Variants in UNC13C observed in about 807,000 individuals in gnomAD.
The protein encoded by UNC13C is unc-13 homolog C, also known as protein unc-13 homolog C.
A neutral mutation model predicts 245.4 loss-of-function variants in UNC13C; 174 were observed. The observed-to-expected ratio is 0.71, with a 90% confidence interval of 0.63 to 0.80. UNC13C has a LOEUF of 0.80. Ranked by LOEUF, UNC13C falls within the 30% of genes least tolerant of loss-of-function variation. UNC13C has a pLI of 0.00. For synonymous variants in UNC13C, 992 were observed against 895.1 expected (o/e 1.11, Z -1.93); for missense variants, 2,829 against 2,602.9 (o/e 1.09, Z -1.89).
At position 54,015,322 on chromosome 15, in the gene UNC13C, G is replaced by A; in HGVS notation, c.2419G>A (p.Ala807Thr). 1.9e-6 allele frequency: 3 copies of A among 1,613,846 alleles called. No homozygotes were observed. The highest frequency in any genetic ancestry group is 1.7e-6 in the Non-Finnish European group (2 of 1,179,852). Residue 807 changes from alanine (A) to threonine (T), a missense_variant, in exon 2 of 33, where the codon GCC (alanine) becomes ACC (threonine). Coordinates refer to ENST00000260323, the MANE Select transcript of UNC13C (RefSeq NM_001080534.3). ...ATCTACACTGCAGAGGGCTAAATCAGCCTTGGAAGTAGTATGGAACAAAAG... is the reference window on the plus strand; with the variant it reads ...ATCTACACTGCAGAGGGCTAAATCAACCTTGGAAGTAGTATGGAACAAAAG... Reference protein sequence around the residue: ...FGSTLQRAKSALEVVWNKSTQ... With the variant: ...FGSTLQRAKSTLEVVWNKSTQ...
chr15:54,252,475 AT>A (rs1449836587), intron 8 of UNC13C, among the ~76,000 whole-genome samples: 27 of 152,170 alleles, frequency 1.8e-4, no homozygotes, highest in African/African-American at 6.0e-4. Context: ...GAGGGTTTTT[AT>A]AAATCCATTT....
intron 4 of UNC13C, among the ~76,000 whole-genome samples, chr15:54,170,030 C>T (rs2033334500): frequency 1.4e-5 from 2 of 145,864 alleles, no homozygotes; most frequent in East Asian, 2.0e-4. Context: ...TATTCTTAAA[C>T]CTATCATGTA....
At chr15:54,453,686 C>T (rs1026674793) in intron 19 of UNC13C, among the ~76,000 whole-genome samples, 1 of 152,242 alleles carries the variant, frequency 6.6e-6, no homozygotes, top group South Asian at 2.1e-4. Context: ...AATATATTGA[C>T]AAATTTTTTT....
At chr15:53,961,025 C>T in the UNC13C span, among the ~76,000 whole-genome samples, 1 of 152,170 alleles carries the variant, frequency 6.6e-6, no homozygotes, top group Non-Finnish European at 1.5e-5. Flanking sequence ...TATTCCTGCA[C>T]CTAAAATGGA....
chr15:53,917,391 C>T, the UNC13C span, among the ~76,000 whole-genome samples: 102 of 151,886 alleles, frequency 6.7e-4, no homozygotes, highest in South Asian at 2.7e-3. Context: ...ACTAGGCTCC[C>T]GAAAAAAAGA....
chr15:54,208,253 C>A (rs967695783), intron 4 of UNC13C, among the ~76,000 whole-genome samples: 1 of 152,044 alleles, frequency 6.6e-6, no homozygotes, highest in Non-Finnish European at 1.5e-5. Flanking sequence ...TGAGGGATGA[C>A]CCCCGCCCTG....
chr15:54,455,164 C>CCTCTCTCTCTCTCTCTCT (rs1203605020), intron 19 of UNC13C, among the ~76,000 whole-genome samples: 1 of 17,518 alleles, frequency 5.7e-5, no homozygotes, highest in African/African-American at 1.9e-4. Flanking sequence ...GAGTCATATT[C>CCTCTCTCTCTCTCTCTCT]CTCTCTCTCT....
At chr15:54,136,475 A>T (rs565584378) in intron 2 of UNC13C, among the ~76,000 whole-genome samples, 1 of 152,212 alleles carries the variant, frequency 6.6e-6, no homozygotes, top group African/African-American at 2.4e-5. Context: ...TATGTGAGTT[A>T]TTGTCACCTG....
chr15:54,045,581 C>G (rs1227630384), intron 2 of UNC13C, among the ~76,000 whole-genome samples: 1 of 152,160 alleles, frequency 6.6e-6, no homozygotes, highest in African/African-American at 2.4e-5. Context: ...TCCTGCCACT[C>G]TAGATGAACT....
At chr15:54,151,158 C>A (rs1567051704) in intron 4 of UNC13C, among the ~76,000 whole-genome samples, 1 of 152,130 alleles carries the variant, frequency 6.6e-6, no homozygotes, top group African/African-American at 2.4e-5. Flanking sequence ...ATAAGACTCC[C>A]CCATCTTCGG....
intron 17 of UNC13C, among the ~76,000 whole-genome samples, chr15:54,342,106 C>T (rs138660787): frequency 2.4e-3 from 370 of 151,970 alleles, no homozygotes; most frequent in African/African-American, 8.6e-3. Flanking sequence ...GATCAATGAA[C>T]GCTTGAGTTT....
the UNC13C span, among the ~76,000 whole-genome samples, chr15:53,875,931 G>A: frequency 2.2e-4 from 33 of 152,146 alleles, no homozygotes; most frequent in Non-Finnish European, 4.1e-4. Context: ...GGAACAAAAG[G>A]TGGTAAGGAA....
chr15:53,944,500 A>G, the UNC13C span, among the ~76,000 whole-genome samples: 2 of 152,164 alleles, frequency 1.3e-5, no homozygotes, highest in African/African-American at 4.8e-5. Context: ...TACAAGTGAG[A>G]ACATGTGGCA....
chr15:53,976,292 C>G (rs551894357), upstream of UNC13C, among the ~76,000 whole-genome samples: 1 of 152,246 alleles, frequency 6.6e-6, no homozygotes, highest in African/African-American at 2.4e-5. Flanking sequence ...CATTAAAACA[C>G]ACATGCTGGC....
intron 2 of UNC13C, among the ~76,000 whole-genome samples, chr15:54,135,432 G>T (rs2031678621): frequency 6.6e-6 from 1 of 152,140 alleles, no homozygotes; most frequent in Non-Finnish European, 1.5e-5. Context: ...GGAGCTTTAT[G>T]GGTTCAGGTC....
rs78619355 is a variant in UNC13C, at chr15:54,406,320, T to G, written c.4848-8662T>G. Among the ~76,000 whole-genome samples the G allele has an allele frequency of 3.7e-3, 567 of 152,292 alleles. 28 individuals are homozygous for G. In the East Asian group the frequency reaches 0.082, roughly 22 times the overall value. On this transcript the variant is annotated intron_variant, in intron 18 of 32. Transcript: ENST00000260323. ...GTCTTCAACGATAAGGATGCTTCTTTCTTTCCTTTTGATATAGGAGCAGCA... is the reference window on the plus strand; with the variant it reads ...GTCTTCAACGATAAGGATGCTTCTTGCTTTCCTTTTGATATAGGAGCAGCA...
intron 17 of UNC13C, among the ~76,000 whole-genome samples, chr15:54,369,745 G>T (rs1011836577): frequency 6.6e-6 from 1 of 152,080 alleles, no homozygotes; most frequent in African/African-American, 2.4e-5. Context: ...ATGACACTCA[G>T]ATTAGTCAAC....
At chr15:54,187,672 A>G (rs1160739206) in intron 4 of UNC13C, among the ~76,000 whole-genome samples, 1 of 152,126 alleles carries the variant, frequency 6.6e-6, no homozygotes, top group Non-Finnish European at 1.5e-5. Context: ...ATTTTTTTCT[A>G]TAAAAATTTC....
chr15:53,946,162 T>C, the UNC13C span, among the ~76,000 whole-genome samples: 3 of 152,192 alleles, frequency 2.0e-5, no homozygotes, highest in Non-Finnish European at 2.9e-5. Context: ...TTTCTAGTTA[T>C]AGAATCACGT....
Sources: gnomAD v4.1 joint callset for allele counts (sites outside exome capture counted in the v4.1 genomes callset) on GRCh38, gnomAD v4.1.1 for gene constraint, MANE v1.5 for transcripts, NCBI Gene and HGNC (gene_info 2026-07-23, HGNC 2026-07-21) for gene names.